Variants in GRAMD4 observed in about 807,000 individuals in gnomAD.
GRAMD4 encodes GRAM domain-containing protein 4.
GRAMD4 carries 25 observed loss-of-function variants against 83.9 expected under a neutral mutation model. The ratio of observed to expected loss-of-function variants is 0.30; its 90% CI spans 0.22 to 0.42. The LOEUF is 0.42. GRAMD4 is among the 10% of genes least tolerant of loss of function. The probability of loss-of-function intolerance (pLI) is 1.00; values close to 1 mark genes in which losing one functional copy is unlikely to be tolerated. For missense variants in GRAMD4, 593 were observed against 788.7 expected (o/e 0.75, Z 2.97); for synonymous variants, 336 against 320.9 (o/e 1.05, Z -0.50).
intron 1 of GRAMD4, among the ~76,000 whole-genome samples, chr22:46,593,956 C>A (rs2081234781): frequency 6.6e-6 from 1 of 151,876 alleles, no homozygotes; most frequent in Non-Finnish European, 1.5e-5. Flanking sequence ...AACTCCTGAC[C>A]TCAGGTGATC....
At chr22:46,583,975 A>G (rs1009159130) in intron 1 of GRAMD4, among the ~76,000 whole-genome samples, 4 of 152,048 alleles carry the variant, frequency 2.6e-5, no homozygotes, top group Non-Finnish European at 4.4e-5. Flanking sequence ...TCTTCTCCCC[A>G]TTTATCAGTT....
chr22:46,646,787 C>T (rs1203246602), intron 3 of GRAMD4, among the ~76,000 whole-genome samples: 1 of 152,178 alleles, frequency 6.6e-6, no homozygotes, highest in Non-Finnish European at 1.5e-5. Context: ...TAAAGACATA[C>T]CTGAGACTGG....
intron 3 of GRAMD4, among the ~76,000 whole-genome samples, chr22:46,652,384 A>C (rs2082179266): frequency 6.6e-6 from 1 of 152,180 alleles, no homozygotes; most frequent in Non-Finnish European, 1.5e-5. Context: ...CTGCAGAAGG[A>C]ACAGCCCTGC....
rs555649062 is a variant in GRAMD4, at chr22:46,621,151, G to C, written c.-50+586G>C. ...GGTTGGGGATGCGCGGCTGCAGCAC[G>C]CAGGACGGAAGGTGCAGGTGAGACG... On this transcript the variant is annotated intron_variant, in intron 1 of 18. Transcript: ENST00000406902. This position sits in a 1 kb window ranked among gnomAD's most constrained non-coding sequence, Gnocchi z 5.8. Among the ~76,000 whole-genome samples the C allele has an allele frequency of 6.6e-6, 1 of 152,170 alleles. No individual in the cohort carries two copies. Among genetic ancestry groups the C allele is most frequent in the Non-Finnish European group, 1.5e-5 (1 of 68,018 alleles).
chr22:46,670,913 T>A, intron 13 of GRAMD4: 1 of 232,854 alleles, frequency 4.3e-6, no homozygotes, highest in Admixed American at 4.7e-5. Flanking sequence ...CCTGCTGTCC[T>A]TTTTTGTGAC....
At chr22:46,667,206 A>AGG (rs1454007166) in intron 10 of GRAMD4, among the ~76,000 whole-genome samples, 1 of 152,184 alleles carries the variant, frequency 6.6e-6, no homozygotes, top group Non-Finnish European at 1.5e-5. Flanking sequence ...CTCCCCAGGT[A>AGG]GGGTGGTGAA....
At chr22:46,643,141 TTCCATCCATCCATCCATCCATCCATCCA>T (rs2082005837) in intron 3 of GRAMD4, among the ~76,000 whole-genome samples, 1 of 4,524 alleles carries the variant, frequency 2.2e-4, no homozygotes, top group Non-Finnish European at 4.4e-4. Context: ...CCATGCATCC[TTCCATCCATCCATCCATCCATCCATCCA>T]TCCATCCATC....
At chr22:46,673,596 G>A (rs928877905) in intron 14 of GRAMD4, 74 bp from the exon 15 acceptor site, 16 of 1,537,088 alleles carry the variant, frequency 1.0e-5, no homozygotes, top group Admixed American at 3.6e-5. Flanking sequence ...GGGGAGGTGT[G>A]TGTGCGGCCA....
At chr22:46,654,914 G>A (rs878967493) in intron 3 of GRAMD4, among the ~76,000 whole-genome samples, 1 of 152,246 alleles carries the variant, frequency 6.6e-6, no homozygotes, top group African/African-American at 2.4e-5. Context: ...GAGGTTGTGT[G>A]CCATTTCTGG....
intron 4 of GRAMD4, among the ~76,000 whole-genome samples, chr22:46,660,648 A>G (rs2082313150): frequency 6.6e-6 from 1 of 152,186 alleles, no homozygotes; most frequent in South Asian, 2.1e-4. Context: ...GATTCTCTCC[A>G]TTGTGGATCC....
At chr22:46,657,132 G>A (rs1207448940) in intron 3 of GRAMD4, among the ~76,000 whole-genome samples, 1 of 152,264 alleles carries the variant, frequency 6.6e-6, no homozygotes, top group Non-Finnish European at 1.5e-5. Flanking sequence ...GTTGGGCTGG[G>A]CAGGGGACAC....
At chr22:46,586,229 C>T (rs2081148233) in intron 1 of GRAMD4, among the ~76,000 whole-genome samples, 1 of 152,184 alleles carries the variant, frequency 6.6e-6, no homozygotes, top group Non-Finnish European at 1.5e-5. Flanking sequence ...GGCCAGCCTC[C>T]TGCCTTCCTG....
At chr22:46,640,512 GC>G (rs1239042070) in intron 3 of GRAMD4, among the ~76,000 whole-genome samples, 15 of 152,146 alleles carry the variant, frequency 9.9e-5, no homozygotes, top group African/African-American at 3.4e-4. Flanking sequence ...CACAAACAGA[GC>G]TGCTGGCGTC....
intron 3 of GRAMD4, among the ~76,000 whole-genome samples, chr22:46,647,017 G>A (rs753719871): frequency 2.0e-5 from 3 of 152,166 alleles, no homozygotes; most frequent in Non-Finnish European, 2.9e-5. Context: ...ACCTGCCCCC[G>A]TGTTTTAATT....
chr22:46,577,037 A>C (rs1293385226), upstream of GRAMD4: 2 of 145,426 alleles, frequency 1.4e-5, no homozygotes, highest in Admixed American at 1.4e-4. Context: ...GGCCCCTTTA[A>C]GGTGCGGCGC....
chr22:46,634,738 C>G (rs2147202422), intron 2 of GRAMD4, among the ~76,000 whole-genome samples: 1 of 152,288 alleles, frequency 6.6e-6, no homozygotes, highest in Admixed American at 6.5e-5. Context: ...GCTAGGAGTT[C>G]AAGACCAGCC....
intron 3 of GRAMD4, among the ~76,000 whole-genome samples, chr22:46,648,457 G>GTGGA (rs1023293344): frequency 1.8e-4 from 24 of 135,888 alleles, no homozygotes; most frequent in African/African-American, 5.2e-4. Context: ...GGATGGATGA[G>GTGGA]TGGATGGATG....
chr22:46,597,646 C>T (rs919616075), intron 1 of GRAMD4, among the ~76,000 whole-genome samples: 5 of 152,090 alleles, frequency 3.3e-5, no homozygotes, highest in Admixed American at 1.3e-4. Flanking sequence ...CCCGCCACCA[C>T]GCCCGGCTAA....
At chr22:46,581,117 C>T (rs923208709) in intron 1 of GRAMD4, among the ~76,000 whole-genome samples, 1 of 152,152 alleles carries the variant, frequency 6.6e-6, no homozygotes, top group Non-Finnish European at 1.5e-5. Context: ...ATGACAGTCC[C>T]GTCTACAGGG....
Sources: gnomAD v4.1 joint callset for allele counts (sites outside exome capture counted in the v4.1 genomes callset) on GRCh38, gnomAD v4.1.1 for gene constraint, Gnocchi (gnomAD v3.1) non-coding constraint, MANE v1.5 for transcripts, NCBI Gene and HGNC (gene_info 2026-07-23, HGNC 2026-07-21) for gene names.